The following RBM42 variants were observed in gnomAD, a reference collection of about 807,000 sequenced individuals.
The protein encoded by RBM42 is RNA-binding protein 42.
A neutral mutation model predicts 41.4 loss-of-function variants in RBM42; 21 were observed. The observed-to-expected ratio is 0.51, with a 90% CI of 0.36 to 0.73. The LOEUF is 0.73. Ranked by LOEUF, RBM42 falls within the 30% of genes least tolerant of loss-of-function variation. RBM42 has a pLI of 0.00. For synonymous variants in RBM42, 272 were observed against 271.2 expected (o/e 1.00, Z -0.03); for missense variants, 539 against 680.4 (o/e 0.79, Z 2.31).
intron 2 of RBM42, among the ~76,000 whole-genome samples, chr19:35,630,296 G>C (rs749889664): frequency 6.7e-6 from 1 of 149,330 alleles, no homozygotes; most frequent in Non-Finnish European, 1.5e-5. Context: ...CCTGGTGACA[G>C]AGCGAGACTC....
intron 8 of RBM42, among the ~76,000 whole-genome samples, chr19:35,635,306 C>T (rs996202533): frequency 4.9e-5 from 7 of 143,732 alleles, no homozygotes; most frequent in African/African-American, 1.8e-4. Context: ...CAGAACAAGA[C>T]TCCATCTCAA....
rs1967437217 is a variant in RBM42, at chr19:35,633,221, T to C, written c.653T>C (p.Leu218Pro). Reference sequence around the variant, plus strand: ...ATGGCTCGGGCTCCAGGGCCCCCGCTGGGCTCCATGGCTGCACTGAGGCCC... The same window carrying C: ...ATGGCTCGGGCTCCAGGGCCCCCGCCGGGCTCCATGGCTGCACTGAGGCCC... ...PPMARAPGPP[L>P]GSMAALRPPL... is the part of the protein sequence containing the mutation. Residue 218 changes from leucine (L) to proline (P), a missense_variant, in exon 6 of 10, where the codon CTG (leucine) becomes CCG (proline). Leu to Pro is a moderately conservative substitution (Grantham distance 98, BLOSUM62 -3). Around this residue, in one of 2 missense-constraint regions of RBM42, gnomAD observed 429 missense variants for 488.9 expected, o/e 0.88. Transcript: ENST00000262633. The C allele has an allele frequency of 1.2e-6, 2 of 1,605,536 alleles. No individual in the cohort carries two copies. The highest frequency in any genetic ancestry group is 3.4e-5 in the Admixed American group (2 of 59,028).
rs1967367523 is a variant in RBM42 at position 35,629,535 on chromosome 19, T to G, written c.144T>G (p.Val48=). ...ACTCCTCCAGGTTTGAGCAGGAAGT[T>G]CTGGGGGCTCCAGTACCTGGAATCC... ...EAEMALFEQE[V]LGAPVPGIPT... Residue 48 remains valine, a synonymous_variant, in exon 2 of 10, where the codon GTT becomes GTG. Transcript: ENST00000262633. The G allele has an allele frequency of 6.2e-7, 1 of 1,614,032 alleles. No individual in the cohort carries two copies. The highest frequency in any genetic ancestry group is 8.5e-7 in the Non-Finnish European group (1 of 1,180,028).
In RBM42 at chr19:35,631,050, A is replaced by G. The variant is rs534180407; in HGVS notation, c.283-90A>G. 1.3e-3 allele frequency: 1,523 copies of G among 1,149,092 alleles called. 1 individual carries two copies. Among genetic ancestry groups the G allele is most frequent in the Middle Eastern group, 5.4e-3 (19 of 3,510 alleles). 71.2% of individuals were successfully genotyped at this position (1,149,092 alleles called of 1,614,324 possible). A position where few individuals can be genotyped will look rare whatever the true frequency, so the allele number is the denominator to read the frequency against. Reference sequence around the variant, plus strand: ...ATAGCCAGCCACATACAGAGCACAAAGCATGAAGCTCTTGGTCTCTTGGGG... The same window carrying G: ...ATAGCCAGCCACATACAGAGCACAAGGCATGAAGCTCTTGGTCTCTTGGGG... On this transcript the variant is annotated intron_variant, in intron 2 of 9. Coordinates refer to ENST00000262633, the MANE Select transcript of RBM42 (RefSeq NM_024321.5).
Position 35,629,038 on chromosome 19 carries a change from T to C in RBM42, c.-116T>C, listed in dbSNP as rs1260552191. 8 of 1,407,030 alleles carry C rather than the reference T, an allele frequency of 5.7e-6. No individual in the cohort carries two copies. Among genetic ancestry groups the C allele is most frequent in the Non-Finnish European group, 7.5e-6 (8 of 1,073,180 alleles). 87.2% of individuals were successfully genotyped at this position (1,407,030 alleles called of 1,614,324 possible). A position where few individuals can be genotyped will look rare whatever the true frequency, so the allele number is the denominator to read the frequency against. On this transcript the variant is annotated 5_prime_UTR_variant, in exon 1 of 10. Coordinates refer to ENST00000262633, the MANE Select transcript of RBM42 (RefSeq NM_024321.5). Reference sequence around the variant, plus strand: ...GACGTCATGCGCCAGCGCCCGTCGCTTTTGCTGGACGTCATCCTCGGGAGC... The same window carrying C: ...GACGTCATGCGCCAGCGCCCGTCGCCTTTGCTGGACGTCATCCTCGGGAGC...
intron 4 of RBM42, 159 bp downstream of exon 4, chr19:35,631,564 A>G: frequency 1.4e-6 from 1 of 695,316 alleles, no homozygotes; most frequent in Non-Finnish European, 2.4e-6. Flanking sequence ...CTTTCTGATG[A>G]TGTCAATTTT....
chr19:35,629,102 C>G lies in RBM42; in HGVS notation c.-52C>G. The G allele has an allele frequency of 6.8e-7, 1 of 1,478,748 alleles. No homozygotes were observed. The highest frequency in any genetic ancestry group is 8.9e-7 in the Non-Finnish European group (1 of 1,118,478). 91.6% of individuals were successfully genotyped at this position (1,478,748 alleles called of 1,614,324 possible). A position where few individuals can be genotyped will look rare whatever the true frequency, so the allele number is the denominator to read the frequency against. The stretch of plus-strand genomic sequence containing the variant: ...GGGGGAGAGTAGACAGCAGAACCAG[C>G]GGCGGCGGCTAAGCAGAGACTGTAG... On this transcript the variant is annotated 5_prime_UTR_variant, in exon 1 of 10. Transcript: ENST00000262633.
chr19:35,633,287 C>A (rs367677190), intron 6 of RBM42, 35 bp downstream of exon 6: 5 of 1,492,510 alleles, frequency 3.4e-6, no homozygotes, highest in Non-Finnish European at 4.5e-6. Flanking sequence ...GTCAGATGTG[C>A]GGTGGACGGG....
intron 8 of RBM42, among the ~76,000 whole-genome samples, chr19:35,636,719 ACAGGGGTC>A (rs934384628): frequency 6.6e-6 from 1 of 152,194 alleles, no homozygotes; most frequent in African/African-American, 2.4e-5. Flanking sequence ...CCAGTGGGTG[ACAGGGGTC>A]CAGGGGACCA....
intron 4 of RBM42, among the ~76,000 whole-genome samples, chr19:35,632,243 G>A (rs943600840): frequency 6.6e-6 from 1 of 151,984 alleles, no homozygotes; most frequent in Non-Finnish European, 1.5e-5. Flanking sequence ...TACTTCCCCT[G>A]CCCAGCTTCC....
At chr19:35,631,972 C>CA (rs1222417279) in intron 4 of RBM42, 1 of 154,612 alleles carries the variant, frequency 6.5e-6, no homozygotes, top group Non-Finnish European at 1.4e-5. Context: ...TCCTTCCCCC[C>CA]CAGGCCATTT....
intron 2 of RBM42, among the ~76,000 whole-genome samples, chr19:35,630,081 C>T (rs1568333588): frequency 6.6e-6 from 1 of 151,984 alleles, no homozygotes; most frequent in African/African-American, 2.4e-5. Context: ...TTTGGGAGAC[C>T]AAGGCGGGCA....
chr19:35,631,095 G>T, intron 2 of RBM42, 45 bp from the exon 3 acceptor site: 1 of 1,542,914 alleles, frequency 6.5e-7, no homozygotes, highest in South Asian at 1.1e-5. Flanking sequence ...CGCAGCAGAT[G>T]GGAATGCTGA....
intron 8 of RBM42, among the ~76,000 whole-genome samples, chr19:35,636,168 CTTTTTTT>C (rs1311588710): frequency 1.7e-5 from 2 of 119,696 alleles, no homozygotes; most frequent in African/African-American, 6.2e-5. Context: ...TTTTTTTTTT[CTTTTTTT>C]TGAGACAGAG....
Position 35,634,233 on chromosome 19 carries a change from C to G in RBM42, c.1018-23C>G, listed in dbSNP as rs369148512. 40 of 1,607,440 alleles carry G rather than the reference C, an allele frequency of 2.5e-5. No homozygotes were observed. In the Admixed American group the frequency reaches 4.7e-4, roughly 19 times the overall value. ...GGAGACCCCAATACCAACCCCTTTG[C>G]ACCTCTCCCCTTTCCTCTGCAGGTC... is the stretch of plus-strand genomic sequence containing the variant. On this transcript the variant is annotated intron_variant, in intron 7 of 9. Coordinates refer to ENST00000262633, the MANE Select transcript of RBM42 (RefSeq NM_024321.5).
chr19:35,632,957 CT>C lies in RBM42; in HGVS notation c.465del (p.Ile156SerfsTer50). 2 of 1,602,496 alleles carry C rather than the reference CT, an allele frequency of 1.2e-6. No individual in the cohort carries two copies. Among genetic ancestry groups the C allele is most frequent in the Non-Finnish European group, 8.5e-7 (1 of 1,170,304 alleles). ...ACAGCTGTGGCCCCCCAGAGGGCCC[CT>C]ATCCTGCGTCCAGCCTTCGTCCCCC... The part of the protein sequence containing the change: ...RRAAVAPQRA[P>X]ILRPAFVPHV... On this transcript the variant is annotated frameshift_variant, in exon 5 of 10. Transcript: ENST00000262633. LOFTEE classifies it high-confidence loss of function.
At position 35,629,509 on chromosome 19, in the gene RBM42, T is replaced by G; in HGVS notation, c.129-11T>G. 6.2e-7 allele frequency: 1 copy of G among 1,614,094 alleles called. No homozygotes were observed. On this transcript the variant is annotated splice_polypyrimidine_tract_variant and intron_variant, in intron 1 of 9. Coordinates refer to ENST00000262633, the MANE Select transcript of RBM42 (RefSeq NM_024321.5). ...AGGTCCTGAGCGCTGATGTCTGTTC[T>G]ACTCCTCCAGGTTTGAGCAGGAAGT... is the stretch of plus-strand genomic sequence containing the variant.
Position 35,633,130 on chromosome 19 carries a change from C to T in RBM42, c.562C>T (p.Pro188Ser). Reference protein sequence around the residue: ...AGPRPMALRPPHQALVGPPLP... With the variant: ...AGPRPMALRPSHQALVGPPLP... The stretch of plus-strand genomic sequence containing the variant: ...CCCCCGCCCTATGGCCCTACGGCCC[C>T]CTCACCAGGCCCTCGTGGGCCCCCC... Residue 188 changes from proline to serine, a missense_variant, in exon 6 of 10, where the codon CCT (proline) becomes TCT (serine). Pro to Ser is a moderately conservative substitution (Grantham distance 74, BLOSUM62 -1). Transcript: ENST00000262633. The T allele has an allele frequency of 6.3e-7, 1 of 1,591,258 alleles. No homozygotes were observed. The highest frequency in any genetic ancestry group is 8.6e-7 in the Non-Finnish European group (1 of 1,159,302).
At chr19:35,636,932 C>T (rs1054175902) in intron 8 of RBM42, among the ~76,000 whole-genome samples, 2 of 152,010 alleles carry the variant, frequency 1.3e-5, no homozygotes, top group Non-Finnish European at 1.5e-5. Flanking sequence ...AGTGACTTCA[C>T]CTCTCTGTGC....
Sources: allele counts gnomAD v4.1 joint callset (sites outside exome capture counted in the v4.1 genomes callset), GRCh38; gene constraint gnomAD v4.1.1; regional missense constraint gnomAD v4.1.1; transcripts MANE v1.5; gene names NCBI Gene and HGNC (gene_info 2026-07-23, HGNC 2026-07-21).